MACROH2A2: variants seen among roughly 807,000 people sequenced by gnomAD.
MACROH2A2 encodes core histone macro-H2A.2.
MACROH2A2 carries 6 observed loss-of-function variants against 37.6 expected under a neutral mutation model. The ratio of observed to expected loss-of-function variants is 0.16; its 90% CI spans 0.09 to 0.32. The LOEUF (loss-of-function observed/expected upper bound fraction) is 0.32, where lower values mean the gene tolerates loss of function less well. MACROH2A2 is among the 10% of genes least tolerant of loss of function. The probability of loss-of-function intolerance (pLI) is 1.00; values close to 1 mark genes in which losing one functional copy is unlikely to be tolerated. For missense variants in MACROH2A2, 290 were observed against 485.9 expected, an observed-to-expected ratio of 0.60 and a Z score of 3.79; for synonymous variants, 192 against 202.7, an observed-to-expected ratio of 0.95 and a Z score of 0.45.
chr10:70,066,074 G>A (rs902921429), intron 1 of MACROH2A2, among the ~76,000 whole-genome samples: 3 of 152,214 alleles, frequency 2.0e-5, no homozygotes, highest in Non-Finnish European at 2.9e-5. Flanking sequence ...GGGAGGCTGA[G>A]ATGGGAGGAT....
At chr10:70,083,669 G>A (rs2072194594) in intron 2 of MACROH2A2, among the ~76,000 whole-genome samples, 1 of 151,636 alleles carries the variant, frequency 6.6e-6, no homozygotes, top group East Asian at 1.9e-4. Flanking sequence ...GGACTGACTG[G>A]CTAGCCCCAG....
At chr10:70,066,920 CAT>C (rs1284391276) in intron 1 of MACROH2A2, among the ~76,000 whole-genome samples, 2 of 152,080 alleles carry the variant, frequency 1.3e-5, no homozygotes, top group African/African-American at 2.4e-5. Flanking sequence ...CCATGTTTTT[CAT>C]ATGTTTGTGC....
intron 1 of MACROH2A2, among the ~76,000 whole-genome samples, chr10:70,074,223 C>T (rs1318177014): frequency 1.3e-5 from 2 of 152,170 alleles, no homozygotes; most frequent in Admixed American, 6.5e-5. Context: ...ATTATTTTGT[C>T]TTCACACAAA....
At chr10:70,100,706 TC>T (rs981573640) in intron 7 of MACROH2A2, among the ~76,000 whole-genome samples, 9 of 149,650 alleles carry the variant, frequency 6.0e-5, no homozygotes, top group Non-Finnish European at 1.3e-4. Flanking sequence ...AACCTCTGCC[TC>T]CCAAGTTCAA....
chr10:70,079,229 C>A (rs971076797), intron 2 of MACROH2A2, among the ~76,000 whole-genome samples: 4 of 151,954 alleles, frequency 2.6e-5, no homozygotes, highest in African/African-American at 9.7e-5. Flanking sequence ...CGATTGATTT[C>A]AAATCCTGAT....
intron 1 of MACROH2A2, among the ~76,000 whole-genome samples, chr10:70,055,569 G>A (rs982855584): frequency 6.6e-6 from 1 of 151,982 alleles, no homozygotes; most frequent in South Asian, 2.1e-4. Context: ...AAGTCATTGG[G>A]CCCTTCTCTC....
chr10:70,094,047 C>T (rs146792244), intron 5 of MACROH2A2, among the ~76,000 whole-genome samples: 3 of 152,186 alleles, frequency 2.0e-5, no homozygotes, highest in African/African-American at 4.8e-5. Flanking sequence ...GAATTGTTAA[C>T]GCTAACATTG....
chr10:70,096,694 A>G (rs1000836990), intron 6 of MACROH2A2, among the ~76,000 whole-genome samples: 2 of 152,204 alleles, frequency 1.3e-5, no homozygotes, highest in African/African-American at 4.8e-5. Context: ...GTGAGCAAAG[A>G]AGGGGCTTTG....
chr10:70,079,942 T>C (rs190498035), intron 2 of MACROH2A2, among the ~76,000 whole-genome samples: 7 of 152,096 alleles, frequency 4.6e-5, no homozygotes, highest in African/African-American at 1.2e-4. Context: ...GAGAAGTAGA[T>C]TGAGGTGTGG....
rs535836061 is a variant in MACROH2A2, at chr10:70,107,523, G to A, written c.779-1510G>A. The stretch of plus-strand genomic sequence containing the variant: ...GCAAGCATGGCTCATGGCTGAAGCT[G>A]CAGCTGCCTCAGGCAGATCCGAGGG... On this transcript the variant is annotated intron_variant, in intron 7 of 8. Coordinates refer to ENST00000373255, the MANE Select transcript of MACROH2A2 (RefSeq NM_018649.3). The surrounding 1 kb of genome is among the most constrained non-coding windows in gnomAD (Gnocchi z 4.4). Among the ~76,000 whole-genome samples, 2 of 152,234 alleles carry A rather than the reference G, an allele frequency of 1.3e-5. No individual in the cohort carries two copies. Among genetic ancestry groups the A allele is most frequent in the Non-Finnish European group, 2.9e-5 (2 of 68,032 alleles).
chr10:70,101,255 A>G (rs2072305275), intron 7 of MACROH2A2, among the ~76,000 whole-genome samples: 1 of 152,262 alleles, frequency 6.6e-6, no homozygotes, highest in East Asian at 1.9e-4. Flanking sequence ...CGCATGATCT[A>G]CAGCTGTGAC....
intron 1 of MACROH2A2, among the ~76,000 whole-genome samples, chr10:70,074,102 C>G (rs915928438): frequency 6.6e-6 from 1 of 152,188 alleles, no homozygotes; most frequent in African/African-American, 2.4e-5. Flanking sequence ...AGATTATATT[C>G]CATTTGTCGG....
intron 8 of MACROH2A2, 69 bp from the exon 9 acceptor site, chr10:70,111,449 A>G: frequency 7.1e-7 from 1 of 1,412,482 alleles, no homozygotes. Context: ...AGTAAAAACA[A>G]AGGCACTTCA....
chr10:70,066,142 C>G (rs900277430), intron 1 of MACROH2A2, among the ~76,000 whole-genome samples: 1 of 152,048 alleles, frequency 6.6e-6, no homozygotes, highest in East Asian at 1.9e-4. Flanking sequence ...AGTTCAAGAC[C>G]AGCCTGGGCA....
In MACROH2A2 at chr10:70,089,761, T is replaced by A. The variant is rs79068603; in HGVS notation, c.173-299T>A. ...TCTTTTTTTAAATTTTTTAATTTTT[T>A]TAAATTTTTTTTTTAGAGACAGGGT... On this transcript the variant is annotated intron_variant, in intron 2 of 8. Coordinates refer to ENST00000373255, the MANE Select transcript of MACROH2A2 (RefSeq NM_018649.3). 5.3e-3 allele frequency among the ~76,000 whole-genome samples: 801 copies of A among 151,756 alleles called. 6 individuals carry two copies. The highest frequency in any genetic ancestry group is 0.017 in the African/African-American group (689 of 41,050).
rs531657237 is a variant in MACROH2A2 at position 70,075,005 on chromosome 10, T to C, written c.-59-595T>C. ...AAAACAATACAAATTTATTTTCTTA[T>C]AGTTCAGGGGTCAGAAGTCCAAAAT... On this transcript the variant is annotated intron_variant, in intron 1 of 8. Coordinates refer to ENST00000373255, the MANE Select transcript of MACROH2A2 (RefSeq NM_018649.3). The surrounding 1 kb of genome is among the most constrained non-coding windows in gnomAD (Gnocchi z 5.0). 2.6e-5 allele frequency among the ~76,000 whole-genome samples: 4 copies of C among 152,348 alleles called. No individual in the cohort carries two copies. Among genetic ancestry groups the C allele is most frequent in the South Asian group, 2.1e-4 (1 of 4,826 alleles).
At chr10:70,106,561 C>T (rs560357679) in intron 7 of MACROH2A2, among the ~76,000 whole-genome samples, 102 of 152,128 alleles carry the variant, frequency 6.7e-4, no homozygotes, top group African/African-American at 2.1e-3. Context: ...CTTTGGGAGG[C>T]CGAGGTGGGT....
In MACROH2A2 at chr10:70,107,491, C is replaced by T. The variant is rs568370204; in HGVS notation, c.779-1542C>T. 1.6e-4 allele frequency among the ~76,000 whole-genome samples: 24 copies of T among 152,278 alleles called. No individual in the cohort carries two copies. Among genetic ancestry groups the T allele is most frequent in the Non-Finnish European group, 2.5e-4 (17 of 68,012 alleles). On this transcript the variant is annotated intron_variant, in intron 7 of 8. Transcript: ENST00000373255. The surrounding 1 kb of genome is among the most constrained non-coding windows in gnomAD (Gnocchi z 4.4). ...AGGGGCACAGGGCGCAGACGGGCAG[C>T]GTGGGGGCAAGCATGGCTCATGGCT... is the stretch of plus-strand genomic sequence containing the variant.
At chr10:70,097,926 T>G (rs1006072166) in intron 6 of MACROH2A2, among the ~76,000 whole-genome samples, 1 of 151,746 alleles carries the variant, frequency 6.6e-6, no homozygotes, top group African/African-American at 2.4e-5. Context: ...CTGGACAATA[T>G]AAGTGGGACC....
Sources: allele counts gnomAD v4.1 joint callset (sites outside exome capture counted in the v4.1 genomes callset), GRCh38; gene constraint gnomAD v4.1.1; non-coding constraint Gnocchi (gnomAD v3.1); transcripts MANE v1.5; gene names NCBI Gene and HGNC (gene_info 2026-07-23, HGNC 2026-07-21).